The following NREP variants were observed in gnomAD, a reference collection of about 807,000 sequenced individuals.
NREP encodes neuronal regeneration-related protein.
In NREP, 5 loss-of-function variants were observed where a neutral mutation model predicts 8.6. The observed-to-expected ratio is 0.58, with a 90% CI of 0.30 to 1.22. NREP has a LOEUF of 1.22. Ranked by LOEUF, NREP falls within the 50% of genes most tolerant of loss-of-function variation. NREP has a pLI of 0.07. For synonymous variants in NREP, 27 were observed against 28.0 expected, an observed-to-expected ratio of 0.96 and a Z score of 0.11; for missense variants, 86 against 82.5, an observed-to-expected ratio of 1.04 and a Z score of -0.17.
chr5:111,957,170 G>A (rs1034167821), intron 2 of NREP, among the ~76,000 whole-genome samples: 2 of 151,496 alleles, frequency 1.3e-5, no homozygotes, highest in Non-Finnish European at 2.9e-5. Context: ...GAGCAAAAGA[G>A]AGAGAGAGAG....
intron 2 of NREP, among the ~76,000 whole-genome samples, chr5:111,885,521 C>T (rs955904654): frequency 2.0e-5 from 3 of 151,514 alleles, no homozygotes; most frequent in Non-Finnish European, 4.4e-5. Context: ...TCACCAAGTC[C>T]TAAGCCAAAA....
chr5:111,801,205 C>A (rs6891998), intron 2 of NREP, among the ~76,000 whole-genome samples: 83,680 of 152,028 alleles, frequency 0.55, 24,372 homozygotes, highest in Non-Finnish European at 0.67. Flanking sequence ...CAAATGTTTA[C>A]AGTAAATGCT....
At chr5:111,944,027 T>C (rs1457286665) in intron 2 of NREP, among the ~76,000 whole-genome samples, 1 of 152,102 alleles carries the variant, frequency 6.6e-6, no homozygotes, top group African/African-American at 2.4e-5. Flanking sequence ...TGTACCCTAG[T>C]TTAATTTGTT....
intron 2 of NREP, among the ~76,000 whole-genome samples, chr5:111,850,097 T>C (rs376237135): frequency 6.6e-6 from 1 of 152,146 alleles, no homozygotes; most frequent in Admixed American, 6.6e-5. Flanking sequence ...AATCACTTTC[T>C]CCATAAACTA....
intron 2 of NREP, among the ~76,000 whole-genome samples, chr5:111,884,374 C>T (rs1754178732): frequency 6.6e-6 from 1 of 151,862 alleles, no homozygotes; most frequent in African/African-American, 2.4e-5. Context: ...GATGGATTCA[C>T]AGCCGGATTC....
chr5:111,841,669 C>G (rs754270457), intron 2 of NREP, among the ~76,000 whole-genome samples: 2 of 151,934 alleles, frequency 1.3e-5, no homozygotes, highest in Non-Finnish European at 1.5e-5. Context: ...AGGGCACACC[C>G]TTGAATTATA....
At position 111,729,673 on chromosome 5, in the gene NREP, A is replaced by AAAT. The variant is rs1748377827; in HGVS notation, c.*1245_*1247dup. 6.6e-6 allele frequency: 1 copy of AAAT among 152,664 alleles called. No individual in the cohort carries two copies. The highest frequency in any genetic ancestry group is 6.5e-5 in the Admixed American group (1 of 15,284). 9.5% of individuals were successfully genotyped at this position (152,664 alleles called of 1,614,324 possible). A position where few individuals can be genotyped will look rare whatever the true frequency, so the allele number is the denominator to read the frequency against. The stretch of plus-strand genomic sequence containing the variant: ...AGAAGAGCTAAAGACAGTTATATAA[A>AAAT]AATTAAGGTGGGCTTTCAGACTGGC... On this transcript the variant is annotated 3_prime_UTR_variant, in exon 4 of 4. Transcript: ENST00000257435.
intron 2 of NREP, among the ~76,000 whole-genome samples, chr5:111,882,324 A>T (rs1754102580): frequency 6.6e-6 from 1 of 152,226 alleles, no homozygotes; most frequent in African/African-American, 2.4e-5. Context: ...GAAATATGGG[A>T]CTATGTGAAA....
chr5:111,847,131 A>G (rs1753196561), intron 2 of NREP, among the ~76,000 whole-genome samples: 1 of 150,856 alleles, frequency 6.6e-6, no homozygotes, highest in Non-Finnish European at 1.5e-5. Context: ...TTTTTTACAC[A>G]CTGTCTTGGT....
At chr5:111,755,535 A>T (rs1159941621) in intron 2 of NREP, 4 of 553,522 alleles carry the variant, frequency 7.2e-6, no homozygotes, top group Middle Eastern at 4.2e-4. Context: ...CTTCTGAAAG[A>T]GGAATTTTAG....
intron 2 of NREP, among the ~76,000 whole-genome samples, chr5:111,894,507 G>A (rs570742486): frequency 6.6e-6 from 1 of 151,406 alleles, no homozygotes; most frequent in South Asian, 2.1e-4. Flanking sequence ...GGTGGGATTT[G>A]GAGACTCCTA....
intron 2 of NREP, among the ~76,000 whole-genome samples, chr5:111,909,213 G>C (rs535467076): frequency 9.2e-5 from 14 of 151,858 alleles, no homozygotes; most frequent in Non-Finnish European, 1.5e-4. Flanking sequence ...GCTGCCATAA[G>C]AGATAATTAA....
At chr5:111,887,589 C>A (rs1171292621) in intron 2 of NREP, among the ~76,000 whole-genome samples, 1 of 152,086 alleles carries the variant, frequency 6.6e-6, no homozygotes, top group Non-Finnish European at 1.5e-5. Flanking sequence ...TTGGACACTT[C>A]AATGAATATA....
intron 2 of NREP, among the ~76,000 whole-genome samples, chr5:111,962,430 A>C (rs1198371644): frequency 1.3e-5 from 2 of 152,206 alleles, no homozygotes; most frequent in African/African-American, 4.8e-5. Flanking sequence ...AGAAATGTTC[A>C]AGCAGCTTTT....
At chr5:111,746,458 C>T (rs1431791723) in intron 2 of NREP, among the ~76,000 whole-genome samples, 2 of 152,060 alleles carry the variant, frequency 1.3e-5, no homozygotes, top group African/African-American at 4.8e-5. Context: ...CCACAGCATC[C>T]AGGCTTTGGA....
intron 2 of NREP, among the ~76,000 whole-genome samples, chr5:111,806,449 G>T (rs992958612): frequency 6.6e-6 from 1 of 152,170 alleles, no homozygotes; most frequent in Admixed American, 6.5e-5. Context: ...ACGATCGTGT[G>T]TTCATATTCT....
intron 2 of NREP, among the ~76,000 whole-genome samples, chr5:111,932,858 G>A (rs1420943255): frequency 6.6e-6 from 1 of 151,938 alleles, no homozygotes; most frequent in Non-Finnish European, 1.5e-5. Flanking sequence ...TGTTAAGCCC[G>A]AAAGTCAAGT....
chr5:111,934,833 G>C (rs193234617), intron 2 of NREP, among the ~76,000 whole-genome samples: 1 of 152,004 alleles, frequency 6.6e-6, no homozygotes, highest in Non-Finnish European at 1.5e-5. Flanking sequence ...GGGAGAAGAG[G>C]CAGCAACCTC....
chr5:111,857,925 C>T (rs1202184075), intron 2 of NREP, among the ~76,000 whole-genome samples: 1 of 151,534 alleles, frequency 6.6e-6, no homozygotes, highest in Non-Finnish European at 1.5e-5. Context: ...GTGGGAGTCT[C>T]TTTCAATACC....
Sources: gnomAD v4.1 joint callset for allele counts (sites outside exome capture counted in the v4.1 genomes callset) on GRCh38, gnomAD v4.1.1 for gene constraint, MANE v1.5 for transcripts, NCBI Gene and HGNC (gene_info 2026-07-23, HGNC 2026-07-21) for gene names.